The following DOK6 variants were observed in gnomAD, a reference collection of about 807,000 sequenced individuals.
DOK6 encodes downstream of tyrosine kinase 6.
Under a neutral mutation model 44.0 loss-of-function variants are expected in DOK6, and 22 were observed. That is an observed-to-expected ratio of 0.50 (90% CI 0.36 to 0.71). The LOEUF is 0.71. Among genes scored for constraint, DOK6 ranks in the 30% least tolerant of loss-of-function variants. DOK6 has a pLI of 0.00. For synonymous variants in DOK6, 166 were observed against 145.5 expected (o/e 1.14, Z -1.01); for missense variants, 340 against 416.4 (o/e 0.82, Z 1.60).
At chr18:69,578,020 T>A (rs1217812477) in intron 2 of DOK6, among the ~76,000 whole-genome samples, 20 of 152,044 alleles carry the variant, frequency 1.3e-4, no homozygotes. Flanking sequence ...CATACATACC[T>A]ATGTAACAAA....
intron 3 of DOK6, among the ~76,000 whole-genome samples, chr18:69,644,720 T>TA (rs1985028378): frequency 6.6e-6 from 1 of 152,152 alleles, no homozygotes; most frequent in Admixed American, 6.5e-5. Flanking sequence ...TTGTCAAGAG[T>TA]GTTTTAGCTA....
chr18:69,543,405 A>C (rs1982319794), intron 1 of DOK6, among the ~76,000 whole-genome samples: 1 of 151,584 alleles, frequency 6.6e-6, no homozygotes, highest in Non-Finnish European at 1.5e-5. Flanking sequence ...TTTCCCACAC[A>C]AAGGTGACTT....
intron 2 of DOK6, among the ~76,000 whole-genome samples, chr18:69,598,429 T>G (rs1029797123): frequency 2.6e-5 from 4 of 151,978 alleles, no homozygotes; most frequent in African/African-American, 9.7e-5. Flanking sequence ...TATTATAAGA[T>G]CATATAATTA....
intron 1 of DOK6, among the ~76,000 whole-genome samples, chr18:69,438,693 T>C (rs1477143424): frequency 6.6e-6 from 1 of 152,224 alleles, no homozygotes; most frequent in Non-Finnish European, 1.5e-5. Flanking sequence ...TTATGAAATG[T>C]ATTTCTTAAA....
At chr18:69,560,802 G>A (rs888484265) in intron 1 of DOK6, among the ~76,000 whole-genome samples, 1 of 152,108 alleles carries the variant, frequency 6.6e-6, no homozygotes, top group Non-Finnish European at 1.5e-5. Context: ...CTAATTTAAG[G>A]ACACAAGCTC....
At chr18:69,810,358 A>T (rs1981186392) in intron 7 of DOK6, among the ~76,000 whole-genome samples, 1 of 152,132 alleles carries the variant, frequency 6.6e-6, no homozygotes, top group African/African-American at 2.4e-5. Flanking sequence ...CTGTAAAACT[A>T]CTAGAAGAAC....
rs190890542 is a variant in DOK6 at position 69,541,858 on chromosome 18, T to G, written c.67-22629T>G. On this transcript the variant is annotated intron_variant, in intron 1 of 7. Transcript: ENST00000382713. ...AAAACTCTGTATTGATAGGAAAAAG[T>G]AATCAATTTGGCCAGATGTCAGGAT... Among the ~76,000 whole-genome samples the G allele has an allele frequency of 1.3e-3, 190 of 151,638 alleles. 2 individuals carry two copies. The highest frequency in any genetic ancestry group is 0.01 in the Middle Eastern group (3 of 294).
intron 1 of DOK6, among the ~76,000 whole-genome samples, chr18:69,481,999 C>A (rs1408832049): frequency 6.6e-6 from 1 of 152,130 alleles, no homozygotes; most frequent in Non-Finnish European, 1.5e-5. Context: ...TTTCATGTGT[C>A]TTTTGGCTGC....
At chr18:69,430,914 T>A in intron 1 of DOK6, among the ~76,000 whole-genome samples, 1 of 152,240 alleles carries the variant, frequency 6.6e-6, no homozygotes, top group East Asian at 1.9e-4. Flanking sequence ...TGCAGTGAGC[T>A]GAGATTGCGC....
intron 2 of DOK6, among the ~76,000 whole-genome samples, chr18:69,577,614 T>C (rs543979844): frequency 3.3e-5 from 5 of 152,244 alleles, no homozygotes; most frequent in Admixed American, 3.3e-4. Context: ...AATGAAAAGT[T>C]CATTTTTATT....
chr18:69,713,800 G>A (rs1423125304), intron 5 of DOK6, among the ~76,000 whole-genome samples: 4 of 152,050 alleles, frequency 2.6e-5, no homozygotes, highest in Non-Finnish European at 4.4e-5. Context: ...AGTGGAACCC[G>A]TGAAACTCCC....
chr18:69,783,909 C>G (rs1980352551), intron 7 of DOK6, among the ~76,000 whole-genome samples: 1 of 152,080 alleles, frequency 6.6e-6, no homozygotes, highest in Non-Finnish European at 1.5e-5. Context: ...ATTTTCTGCC[C>G]TTGGCTGGGC....
chr18:69,515,455 T>A (rs1253627957), intron 1 of DOK6, among the ~76,000 whole-genome samples: 1 of 152,228 alleles, frequency 6.6e-6, no homozygotes, highest in East Asian at 1.9e-4. Context: ...TTGTTTTCCT[T>A]TGTTTCTGGG....
At chr18:69,706,396 C>T (rs545841885) in intron 5 of DOK6, among the ~76,000 whole-genome samples, 28 of 152,100 alleles carry the variant, frequency 1.8e-4, no homozygotes, top group South Asian at 8.3e-4. Flanking sequence ...TGCTTACAAC[C>T]GAAAGTTTTC....
chr18:69,517,872 C>T (rs558440336), intron 1 of DOK6, among the ~76,000 whole-genome samples: 158 of 152,142 alleles, frequency 1.0e-3, no homozygotes, highest in Middle Eastern at 6.8e-3. Flanking sequence ...TTAATCTTTG[C>T]AGGTGCTGTT....
At chr18:69,751,946 T>C (rs1179254652) in intron 6 of DOK6, among the ~76,000 whole-genome samples, 1 of 152,158 alleles carries the variant, frequency 6.6e-6, no homozygotes, top group South Asian at 2.1e-4. Context: ...AATTATATAA[T>C]TTTAGGAGAG....
At chr18:69,700,216 C>CATATAT (rs61078235) in intron 5 of DOK6, among the ~76,000 whole-genome samples, 20 of 124,796 alleles carry the variant, frequency 1.6e-4, no homozygotes, top group African/African-American at 4.8e-4. Context: ...CATATATATA[C>CATATAT]ATATATATAT....
At chr18:69,493,664 C>T (rs1599157607) in intron 1 of DOK6, among the ~76,000 whole-genome samples, 1 of 151,970 alleles carries the variant, frequency 6.6e-6, no homozygotes, top group African/African-American at 2.4e-5. Flanking sequence ...TTAGTATGCC[C>T]ATCTTTTAGA....
At chr18:69,512,785 T>G (rs1981410153) in intron 1 of DOK6, among the ~76,000 whole-genome samples, 1 of 152,202 alleles carries the variant, frequency 6.6e-6, no homozygotes, top group Admixed American at 6.5e-5. Context: ...TGTGACTTAG[T>G]GCCCCGTTTA....
Sources: allele counts gnomAD v4.1 joint callset (sites outside exome capture counted in the v4.1 genomes callset), GRCh38; gene constraint gnomAD v4.1.1; transcripts MANE v1.5; gene names NCBI Gene and HGNC (gene_info 2026-07-23, HGNC 2026-07-21).